The following CACNA1C variants were observed in gnomAD, a reference collection of about 807,000 sequenced individuals.
The protein encoded by CACNA1C is calcium voltage-gated channel subunit alpha1 C, also known as voltage-dependent L-type calcium channel subunit alpha-1C.
In CACNA1C, 30 loss-of-function variants were observed where a neutral mutation model predicts 229.0. The observed-to-expected ratio is 0.13, with a 90% CI of 0.10 to 0.18. CACNA1C has a LOEUF of 0.18. CACNA1C is among the 10% of genes least tolerant of loss of function. The probability of loss-of-function intolerance (pLI) is 1.00; values close to 1 mark genes in which losing one functional copy is unlikely to be tolerated. For missense variants in CACNA1C, 1,658 were observed against 2,845.0 expected (o/e 0.58, Z 9.49); for synonymous variants, 1,114 against 1,132.5 (o/e 0.98, Z 0.33).
intron 3 of CACNA1C, among the ~76,000 whole-genome samples, chr12:2,266,320 C>G (rs1179254925): frequency 6.6e-6 from 1 of 152,204 alleles, no homozygotes; most frequent in Non-Finnish European, 1.5e-5. Flanking sequence ...GTGGGATGCA[C>G]CAGCCACTGG....
intron 1 of CACNA1C, among the ~76,000 whole-genome samples, chr12:2,110,936 T>TACCTGTCTCACCCGCGAGGCCAC (rs2081425594): frequency 4.1e-5 from 4 of 97,682 alleles, no homozygotes; most frequent in Non-Finnish European, 8.9e-5. Flanking sequence ...CGAGAGGCCA[T>TACCTGTCTCACCCGCGAGGCCAC]ACCTGTCTCA....
intron 30 of CACNA1C, among the ~76,000 whole-genome samples, chr12:2,645,537 A>G (rs933396274): frequency 6.6e-6 from 1 of 152,150 alleles, no homozygotes; most frequent in Admixed American, 6.5e-5. Context: ...AGCAAGTCCA[A>G]TCTCTCCTTC....
chr12:2,204,721 C>T (rs1226171290), intron 3 of CACNA1C, among the ~76,000 whole-genome samples: 1 of 140,532 alleles, frequency 7.1e-6, no homozygotes, highest in African/African-American at 2.6e-5. Flanking sequence ...CATATTCTCA[C>T]TCATAGGTGG....
intron 1 of CACNA1C, among the ~76,000 whole-genome samples, chr12:2,032,758 A>C (rs556654800): frequency 7.0e-4 from 106 of 152,326 alleles, no homozygotes; most frequent in African/African-American, 2.5e-3. Context: ...TTTTCTTCAT[A>C]TTCCGTATTC....
At chr12:2,119,018 C>T (rs902850440) in intron 2 of CACNA1C, among the ~76,000 whole-genome samples, 4 of 152,160 alleles carry the variant, frequency 2.6e-5, no homozygotes, top group Admixed American at 2.0e-4. Flanking sequence ...AATTCTGTGA[C>T]GCTGGCCCAG....
chr12:2,241,203 G>A (rs1006521568), intron 3 of CACNA1C, among the ~76,000 whole-genome samples: 10 of 152,020 alleles, frequency 6.6e-5, no homozygotes, highest in African/African-American at 2.2e-4. Flanking sequence ...CTGCAGCCCC[G>A]CTATGTCCCC....
chr12:2,496,284 C>T (rs2099746655), intron 7 of CACNA1C, among the ~76,000 whole-genome samples: 1 of 152,120 alleles, frequency 6.6e-6, no homozygotes, highest in South Asian at 2.1e-4. Flanking sequence ...ATAGTTTCCA[C>T]AGGGAGGAGG....
At chr12:2,256,091 C>CCCTGACCTGACTAGTTTACAATCACACGA (rs1308467043) in intron 3 of CACNA1C, among the ~76,000 whole-genome samples, 10 of 2,956 alleles carry the variant, frequency 3.4e-3, no homozygotes, top group South Asian at 0.011. Context: ...ACAATCACAC[C>CCCTGACCTGACTAGTTTACAATCACACGA]TCCTGTTTCT....
intron 3 of CACNA1C, among the ~76,000 whole-genome samples, chr12:2,384,910 G>C (rs117818688): frequency 1.3e-5 from 2 of 152,166 alleles, no homozygotes; most frequent in African/African-American, 2.4e-5. Context: ...CAGAAGGTAC[G>C]TCTCTGTCCC....
intron 3 of CACNA1C, among the ~76,000 whole-genome samples, chr12:2,380,921 G>A (rs1206149421): frequency 6.6e-6 from 1 of 152,192 alleles, no homozygotes; most frequent in South Asian, 2.1e-4. Context: ...TACGGAAGGT[G>A]CAACCTCCTT....
chr12:2,147,608 A>G (rs915609422), intron 3 of CACNA1C, among the ~76,000 whole-genome samples: 1 of 151,306 alleles, frequency 6.6e-6, no homozygotes, highest in Non-Finnish European at 1.5e-5. Flanking sequence ...TAAAGATTGA[A>G]TGAGTGTCAG....
chr12:2,516,392 G>A (rs902648491), intron 9 of CACNA1C, among the ~76,000 whole-genome samples: 1 of 152,118 alleles, frequency 6.6e-6, no homozygotes, highest in South Asian at 2.1e-4. Context: ...GAGCCTCTGG[G>A]TATTTAATTG....
rs144106628 is a variant in CACNA1C at position 2,683,688 on chromosome 12, C to T, written c.5573+1010C>T. Among the ~76,000 whole-genome samples, 607 of 152,252 alleles carry T rather than the reference C, an allele frequency of 4.0e-3. 5 individuals carry two copies. Among genetic ancestry groups the T allele is most frequent in the African/African-American group, 0.013 (537 of 41,540 alleles). On this transcript the variant is annotated intron_variant, in intron 43 of 46. Transcript: ENST00000399655. Reference sequence around the variant, plus strand: ...GGTGTGCCTGCTCCTTGGATGGACACTTTTCCAGGGGTTTAGAGAGAAGCT... The same window carrying T: ...GGTGTGCCTGCTCCTTGGATGGACATTTTTCCAGGGGTTTAGAGAGAAGCT...
At chr12:2,264,248 G>C (rs1311879904) in intron 3 of CACNA1C, among the ~76,000 whole-genome samples, 1 of 152,212 alleles carries the variant, frequency 6.6e-6, no homozygotes, top group Non-Finnish European at 1.5e-5. Context: ...AAGGGCTCCA[G>C]GGGGCTCTCA....
intron 5 of CACNA1C, among the ~76,000 whole-genome samples, chr12:2,466,926 C>T (rs1278843213): frequency 6.6e-6 from 1 of 152,128 alleles, no homozygotes; most frequent in Non-Finnish European, 1.5e-5. Flanking sequence ...ACTTGGCCCT[C>T]ATTCTCCCCT....
At chr12:2,446,884 G>A (rs1002096704) in intron 3 of CACNA1C, among the ~76,000 whole-genome samples, 5 of 152,080 alleles carry the variant, frequency 3.3e-5, no homozygotes, top group African/African-American at 4.8e-5. Flanking sequence ...GGATGGATGG[G>A]TGGGCAGGTG....
intron 18 of CACNA1C, among the ~76,000 whole-genome samples, chr12:2,587,603 T>TA (rs2063102367): frequency 2.0e-5 from 3 of 151,850 alleles, no homozygotes; most frequent in African/African-American, 4.8e-5. Flanking sequence ...AATGTTAATT[T>TA]TAAAAAAAAA....
intron 18 of CACNA1C, among the ~76,000 whole-genome samples, chr12:2,586,774 G>C (rs1187436832): frequency 1.3e-4 from 20 of 152,162 alleles, no homozygotes; most frequent in Non-Finnish European, 1.5e-5. Flanking sequence ...ACACTCACAG[G>C]CATCCTTGGG....
At chr12:2,089,236 C>T (rs1309189043) in intron 1 of CACNA1C, among the ~76,000 whole-genome samples, 1 of 152,210 alleles carries the variant, frequency 6.6e-6, no homozygotes, top group Non-Finnish European at 1.5e-5. Flanking sequence ...AAGCCCTAAA[C>T]CACCCCTGTC....
Sources: gnomAD v4.1 joint callset for allele counts (sites outside exome capture counted in the v4.1 genomes callset) on GRCh38, gnomAD v4.1.1 for gene constraint, MANE v1.5 for transcripts, NCBI Gene and HGNC (gene_info 2026-07-23, HGNC 2026-07-21) for gene names.